Variants in USP6NL observed in about 807,000 individuals in gnomAD.
USP6NL encodes the protein USP6 N-terminal like.
Under a neutral mutation model 61.9 loss-of-function variants are expected in USP6NL, and 26 were observed. That is an observed-to-expected ratio of 0.42 (90% CI 0.31 to 0.58). The LOEUF (loss-of-function observed/expected upper bound fraction) is 0.58, where lower values mean the gene tolerates loss of function less well. Ranked by LOEUF, USP6NL falls within the 20% of genes least tolerant of loss-of-function variation. The probability of loss-of-function intolerance (pLI) is 0.16; values close to 1 mark genes in which losing one functional copy is unlikely to be tolerated. For synonymous variants in USP6NL, 432 were observed against 390.1 expected (o/e 1.11, Z -1.27); for missense variants, 1,114 against 1,034.3 (o/e 1.08, Z -1.06).
At position 11,489,175 on chromosome 10, in the gene USP6NL, G is replaced by T; in HGVS notation, c.591C>A (p.Leu197=). 6.2e-7 allele frequency: 1 copy of T among 1,613,964 alleles called. No homozygotes were observed. The highest frequency in any genetic ancestry group is 8.5e-7 in the Non-Finnish European group (1 of 1,179,852). The change falls in exon 10 of 15, where the codon CTC becomes CTA. Residue 197 remains leucine, a synonymous_variant. Transcript: ENST00000609104. This position sits in a 1 kb window ranked among gnomAD's most constrained non-coding sequence, Gnocchi z 5.7. ...AGGCATCTTCCTCGTTCATATACAT[G>T]AGGAGTAAAGCTGTGATCTGGCTCA... ...QGMSQITALL[L]MYMNEEDAFW...
chr10:11,598,122 A>G lies in USP6NL; in HGVS notation c.-83-405T>C, dbSNP rs1406668618. ...TTGACTGCACATAAATGATTAATGT[A>G]AGACTTCAAATAAGGATCAGCAAAG... is the stretch of plus-strand genomic sequence containing the variant. On this transcript the variant is annotated intron_variant, in intron 1 of 14. Coordinates refer to ENST00000609104, the MANE Select transcript of USP6NL (RefSeq NM_014688.5). This position sits in a 1 kb window ranked among gnomAD's most constrained non-coding sequence, Gnocchi z 4.7. 6.6e-6 allele frequency among the ~76,000 whole-genome samples: 1 copy of G among 152,234 alleles called. No homozygotes were observed. The highest frequency in any genetic ancestry group is 1.5e-5 in the Non-Finnish European group (1 of 68,042).
chr10:11,606,249 A>G (rs1281944287), intron 1 of USP6NL, among the ~76,000 whole-genome samples: 1 of 152,254 alleles, frequency 6.6e-6, no homozygotes, highest in South Asian at 2.1e-4. Flanking sequence ...TTCTACATCC[A>G]GCAAAATATA....
Position 11,597,569 on chromosome 10 carries a change from C to A in USP6NL, c.4+62G>T. On this transcript the variant is annotated intron_variant, in intron 2 of 14. Transcript: ENST00000609104. This position sits in a 1 kb window ranked among gnomAD's most constrained non-coding sequence, Gnocchi z 4.6. ...TTATTCAGTAACATGTTTTTCTTCT[C>A]CTAAGCACAATACAGCAAACGCTCC... The A allele has an allele frequency of 8.5e-6, 13 of 1,525,616 alleles. No individual in the cohort carries two copies. Among genetic ancestry groups the A allele is most frequent in the Non-Finnish European group, 1.2e-5 (13 of 1,123,446 alleles). The allele number at this position is 1,525,616 out of a possible 1,614,324, so 94.5% of individuals were successfully genotyped here. A position where few individuals can be genotyped will look rare whatever the true frequency, so the allele number is the denominator to read the frequency against.
At chr10:11,530,086 A>G (rs539622574) in intron 2 of USP6NL, among the ~76,000 whole-genome samples, 1 of 140,686 alleles carries the variant, frequency 7.1e-6, no homozygotes, top group East Asian at 2.3e-4. Context: ...TGGGTGACAG[A>G]GTAAGACCCT....
chr10:11,506,813 A>AT (rs1834461086), intron 6 of USP6NL, among the ~76,000 whole-genome samples: 1 of 151,500 alleles, frequency 6.6e-6, no homozygotes, highest in African/African-American at 2.4e-5. Context: ...TATTTCAAAT[A>AT]TTTTTAGAAT....
At chr10:11,471,589 A>G (rs937046648) in intron 14 of USP6NL, among the ~76,000 whole-genome samples, 1 of 152,172 alleles carries the variant, frequency 6.6e-6, no homozygotes, top group Non-Finnish European at 1.5e-5. Flanking sequence ...ATGTCCAACA[A>G]TGATAGACTG....
intron 2 of USP6NL, chr10:11,573,492 TGC>T (rs1426452351): frequency 2.5e-6 from 1 of 395,370 alleles, no homozygotes; most frequent in Non-Finnish European, 4.5e-6. Context: ...ATATCAGAAA[TGC>T]AAAAGCATAC....
chr10:11,581,326 T>C (rs1050839741), intron 2 of USP6NL, among the ~76,000 whole-genome samples: 1 of 152,252 alleles, frequency 6.6e-6, no homozygotes, highest in Non-Finnish European at 1.5e-5. Context: ...TAACGTGTTT[T>C]CACACTTTCA....
chr10:11,609,632 G>A (rs535222321), intron 1 of USP6NL, among the ~76,000 whole-genome samples: 1 of 152,278 alleles, frequency 6.6e-6, no homozygotes, highest in South Asian at 2.1e-4. Flanking sequence ...CTACTAGCTT[G>A]AACTCATTGG....
rs148456505 is a variant in USP6NL at position 11,548,020 on chromosome 10, C to T, written c.5-20453G>A. Among the ~76,000 whole-genome samples, 131 of 152,248 alleles carry T rather than the reference C, an allele frequency of 8.6e-4. No individual in the cohort carries two copies. Among genetic ancestry groups the T allele is most frequent in the African/African-American group, 2.8e-3 (115 of 41,556 alleles). ...CCTCTCACAAATGATGATATCCCCT[C>T]GATAACATCTCTTAATAAGTGATCA... On this transcript the variant is annotated intron_variant, in intron 2 of 14. Transcript: ENST00000609104. The surrounding 1 kb of genome is among the most constrained non-coding windows in gnomAD (Gnocchi z 4.3).
In USP6NL at chr10:11,476,619, T is replaced by A. The variant is rs1449437636; in HGVS notation, c.1078+5151A>T. ...ACATCATATTTCTCTGTATTTTTGA[T>A]AGTTTTCATAAGTAAAATAAAAGAT... On this transcript the variant is annotated intron_variant, in intron 14 of 14. Coordinates refer to ENST00000609104, the MANE Select transcript of USP6NL (RefSeq NM_014688.5). This position sits in a 1 kb window ranked among gnomAD's most constrained non-coding sequence, Gnocchi z 4.3. Among the ~76,000 whole-genome samples the A allele has an allele frequency of 1.3e-5, 2 of 152,208 alleles. No homozygotes were observed. The highest frequency in any genetic ancestry group is 2.9e-5 in the Non-Finnish European group (2 of 68,038).
At chr10:11,493,083 T>G in intron 8 of USP6NL, 36 bp downstream of exon 8, 10 of 1,515,284 alleles carry the variant, frequency 6.6e-6, no homozygotes, top group Non-Finnish European at 9.0e-6. Flanking sequence ...TATTTATAAA[T>G]GCGATTAACA....
chr10:11,571,603 C>A (rs1464686468), intron 2 of USP6NL, among the ~76,000 whole-genome samples: 3 of 151,820 alleles, frequency 2.0e-5, no homozygotes, highest in Admixed American at 6.6e-5. Context: ...ATGCTACATT[C>A]TCTCTACATC....
intron 6 of USP6NL, among the ~76,000 whole-genome samples, chr10:11,506,226 A>G (rs1834426065): frequency 1.3e-5 from 2 of 152,252 alleles, no homozygotes; most frequent in African/African-American, 4.8e-5. Context: ...TGACCAACAA[A>G]AAAATATGTG....
intron 3 of USP6NL, among the ~76,000 whole-genome samples, chr10:11,526,021 G>A (rs1457918009): frequency 6.6e-6 from 1 of 151,848 alleles, no homozygotes; most frequent in Non-Finnish European, 1.5e-5. Context: ...ACGGATCTCT[G>A]AAGCGTACTT....
At chr10:11,579,775 A>G (rs1837677402) in intron 2 of USP6NL, among the ~76,000 whole-genome samples, 1 of 146,876 alleles carries the variant, frequency 6.8e-6, no homozygotes, top group South Asian at 2.2e-4. Flanking sequence ...GATAGACTAG[A>G]TCTACAGTCT....
chr10:11,484,041 G>A (rs181723918), intron 13 of USP6NL, among the ~76,000 whole-genome samples: 37 of 152,270 alleles, frequency 2.4e-4, no homozygotes, highest in East Asian at 5.8e-4. Context: ...GCACAGCAGA[G>A]AGAAAAACTA....
Position 11,600,746 on chromosome 10 carries a change from G to T in USP6NL, c.-83-3029C>A, listed in dbSNP as rs1441103589. 6.6e-6 allele frequency among the ~76,000 whole-genome samples: 1 copy of T among 152,150 alleles called. No homozygotes were observed. The highest frequency in any genetic ancestry group is 1.5e-5 in the Non-Finnish European group (1 of 68,016). ...GCACTTTGGGAGGCCGAGGCGGGTG[G>T]ATCACGAGGTCAGGAGTTCAAGACC... On this transcript the variant is annotated intron_variant, in intron 1 of 14. Transcript: ENST00000609104. This position sits in a 1 kb window ranked among gnomAD's most constrained non-coding sequence, Gnocchi z 4.1.
rs1030924510 is a variant in USP6NL, at chr10:11,499,112, G to C, written c.384+1989C>G. 1.3e-5 allele frequency among the ~76,000 whole-genome samples: 2 copies of C among 152,074 alleles called. No homozygotes were observed. Among genetic ancestry groups the C allele is most frequent in the African/African-American group, 4.8e-5 (2 of 41,400 alleles). ...ATTTCACCCATCTGAGAAAAGTCTC[G>C]GCAGATTAAGAGAAGGTTGTAGTTT... On this transcript the variant is annotated intron_variant, in intron 7 of 14. Coordinates refer to ENST00000609104, the MANE Select transcript of USP6NL (RefSeq NM_014688.5). This position sits in a 1 kb window ranked among gnomAD's most constrained non-coding sequence, Gnocchi z 4.5.
Sources: gnomAD v4.1 joint callset for allele counts (sites outside exome capture counted in the v4.1 genomes callset) on GRCh38, gnomAD v4.1.1 for gene constraint, Gnocchi (gnomAD v3.1) non-coding constraint, MANE v1.5 for transcripts, NCBI Gene and HGNC (gene_info 2026-07-23, HGNC 2026-07-21) for gene names.